The following CLU variants were observed in gnomAD, a reference collection of about 807,000 sequenced individuals.
The protein encoded by CLU is clusterin.
Under a neutral mutation model 46.4 loss-of-function variants are expected in CLU, and 25 were observed. The observed-to-expected ratio is 0.54, with a 90% CI of 0.39 to 0.75. The LOEUF is 0.75. Ranked by LOEUF, CLU falls within the 30% of genes least tolerant of loss-of-function variation. The probability of loss-of-function intolerance (pLI) is 0.00; values close to 1 mark genes in which losing one functional copy is unlikely to be tolerated. For missense variants in CLU, 504 were observed against 592.1 expected (o/e 0.85, Z 1.54); for synonymous variants, 235 against 235.1 (o/e 1.00, Z 0.00).
chr8:27,604,298 C>T lies in CLU; in HGVS notation c.927G>A (p.Leu309=), dbSNP rs778981507. ...KDQCDKCREI[L]SVDCSTNNPS... is the part of the protein sequence containing the mutation. ...GTCTGGACCCCGACTCACCCACAGA[C>T]AAGATCTCCCGGCACTTGTCACACT... Residue 309 remains leucine (L), a synonymous_variant, in exon 6 of 9, where the codon TTG becomes TTA. Transcript: ENST00000316403. The T allele has an allele frequency of 6.2e-7, 1 of 1,614,026 alleles. No homozygotes were observed. The highest frequency in any genetic ancestry group is 1.1e-5 in the South Asian group (1 of 91,074).
intron 3 of CLU, among the ~76,000 whole-genome samples, chr8:27,608,185 G>GAAAAAA (rs1340348618): frequency 1.2e-3 from 181 of 149,834 alleles, no homozygotes; most frequent in Non-Finnish European, 2.0e-3. Flanking sequence ...AAGCGGCCAG[G>GAAAAAA]AAAAAAAAAC....
intron 7 of CLU, 196 bp from the exon 8 acceptor site, chr8:27,598,831 C>A: frequency 1.6e-6 from 1 of 612,760 alleles, no homozygotes; most frequent in Non-Finnish European, 2.9e-6. Context: ...CACAGACACT[C>A]ATGTGTTGGG....
intron 3 of CLU, 159 bp downstream of exon 3, chr8:27,608,779 A>T (rs1374918143): frequency 1.1e-5 from 9 of 788,098 alleles, no homozygotes; most frequent in Admixed American, 1.9e-5. Context: ...GAAGCAAATG[A>T]ACCTTCCCTG....
rs9331887 is a variant in CLU at position 27,611,478 on chromosome 8, T to C, written c.-29-878A>G. The C allele has an allele frequency of 4.5e-3, 2,038 of 456,420 alleles. 42 individuals are homozygous for C. The highest frequency in any genetic ancestry group is 0.038 in the African/African-American group (1,885 of 50,152). The allele number at this position is 456,420 out of a possible 1,614,324, so 28.3% of individuals were successfully genotyped here. ...GCCCTGAGCCACGGGGCACAGGCCA[T>C]AGCCCCGGTCTTACACAATGGACCC... On this transcript the variant is annotated intron_variant, in intron 1 of 8. Coordinates refer to ENST00000316403, the MANE Select transcript of CLU (RefSeq NM_001831.4).
chr8:27,600,076 G>A, intron 6 of CLU, 67 bp from the exon 7 acceptor site: 2 of 1,230,712 alleles, frequency 1.6e-6, no homozygotes, highest in Non-Finnish European at 2.4e-6. Context: ...ATAGAACCAT[G>A]AATGAATGGA....
In CLU at chr8:27,605,090, G is replaced by C; in HGVS notation, c.663C>G (p.Pro221=). 2 of 1,614,136 alleles carry C rather than the reference G, an allele frequency of 1.2e-6. No homozygotes were observed. Among genetic ancestry groups the C allele is most frequent in the Non-Finnish European group, 1.7e-6 (2 of 1,180,044 alleles). Residue 221 remains proline (P), a synonymous_variant, in exon 5 of 9, where the codon CCC becomes CCG. Transcript: ENST00000316403. ...TCAAGCTGCGGACGATGCGGGACTTGGGAAAGAAGAAGTGAGGCCTCCGGT... is the reference window on the plus strand; with the variant it reads ...TCAAGCTGCGGACGATGCGGGACTTCGGAAAGAAGAAGTGAGGCCTCCGGT... ...LPHRRPHFFF[P]KSRIVRSLMP...
chr8:27,604,092 C>T, intron 6 of CLU, 199 bp downstream of exon 6: 4 of 608,704 alleles, frequency 6.6e-6, no homozygotes, highest in Non-Finnish European at 1.2e-5. Context: ...GACAGCCTCG[C>T]ATCATCATCT....
chr8:27,614,633 A>G (rs746934117), intron 1 of CLU, 22 bp downstream of exon 1: 2 of 524,028 alleles, frequency 3.8e-6, no homozygotes, highest in Non-Finnish European at 7.9e-6. Flanking sequence ...GCTCAAGGGT[A>G]GGGAAGACGG....
intron 6 of CLU, among the ~76,000 whole-genome samples, chr8:27,603,728 C>T (rs1238566944): frequency 3.3e-5 from 5 of 152,178 alleles, no homozygotes; most frequent in African/African-American, 1.2e-4. Flanking sequence ...GGAGAGAACA[C>T]AGCGCCCTAG....
rs751114860 is a variant in CLU at position 27,605,048 on chromosome 8, G to A, written c.705C>T (p.Tyr235=). Residue 235 remains tyrosine (Y), a synonymous_variant, in exon 5 of 9, where the codon TAC becomes TAT. Transcript: ENST00000316403. ...IVRSLMPFSP[Y]EPLNFHAMFQ... Reference sequence around the variant, plus strand: ...ACATGGCGTGGAAGTTCAGGGGCTCGTACGGAGAGAAGGGCATCAAGCTGC... The same window carrying A: ...ACATGGCGTGGAAGTTCAGGGGCTCATACGGAGAGAAGGGCATCAAGCTGC... 44 of 1,613,934 alleles carry A rather than the reference G, an allele frequency of 2.7e-5. No homozygotes were observed. In the Middle Eastern group the frequency reaches 6.6e-4, roughly 24 times the overall value.
At chr8:27,602,773 A>G (rs1350181964) in intron 6 of CLU, among the ~76,000 whole-genome samples, 1 of 152,058 alleles carries the variant, frequency 6.6e-6, no homozygotes, top group Non-Finnish European at 1.5e-5. Flanking sequence ...TTCTCTAAGA[A>G]TCTATCTCAG....
chr8:27,598,407 T>G (rs964318161), intron 8 of CLU, 53 bp downstream of exon 8: 1 of 1,609,826 alleles, frequency 6.2e-7, no homozygotes, highest in Admixed American at 1.7e-5. Context: ...TTTTTGTGGC[T>G]CCCAGAGACT....
intron 5 of CLU, 99 bp from the exon 6 acceptor site, chr8:27,604,494 A>T (rs1800780005): frequency 1.0e-6 from 1 of 976,452 alleles, no homozygotes; most frequent in African/African-American, 1.6e-5. Context: ...TAATTTACAG[A>T]CAGGGTCTCA....
intron 1 of CLU, chr8:27,611,279 C>T (rs563409080): frequency 1.3e-5 from 6 of 454,628 alleles, no homozygotes; most frequent in African/African-American, 1.0e-4. Context: ...CCAGGAAGGA[C>T]AATTCCCTTC....
intron 1 of CLU, chr8:27,610,986 C>A (rs867230): frequency 0.62 from 224,338 of 359,682 alleles, 70,504 homozygotes; most frequent in East Asian, 0.77. Context: ...TGAAAATACC[C>A]CCCTTAGGTC....
At position 27,604,347 on chromosome 8, in the gene CLU, G is replaced by A. The variant is rs563432916; in HGVS notation, c.878C>T (p.Thr293Met). The A allele has an allele frequency of 1.9e-5, 31 of 1,614,052 alleles. No homozygotes were observed. The highest frequency in any genetic ancestry group is 2.1e-5 in the Non-Finnish European group (25 of 1,180,032). The change falls in exon 6 of 9, where the codon ACG becomes ATG. Residue 293 changes from threonine (T) to methionine (M), a missense_variant. Transcript: ENST00000316403. Reference protein sequence around the residue: ...TVCREIRHNSTGCLRMKDQCD... With the variant: ...TVCREIRHNSMGCLRMKDQCD... ...CTGGTCCTTCATCCGCAGGCAGCCC[G>A]TGGAGTTGTGGCGGATCTCCCGGCA... is the stretch of plus-strand genomic sequence containing the variant.
rs937327908 is a variant in CLU at position 27,604,489 on chromosome 8, T to C, written c.830-94A>G. 8.4e-6 allele frequency: 9 copies of C among 1,065,446 alleles called. No homozygotes were observed. In the African/African-American group the frequency reaches 1.4e-4, roughly 17 times the overall value. The allele number at this position is 1,065,446 out of a possible 1,614,324, so 66.0% of individuals were successfully genotyped here. A position where few individuals can be genotyped will look rare whatever the true frequency, so the allele number is the denominator to read the frequency against. On this transcript the variant is annotated intron_variant, in intron 5 of 8. Coordinates refer to ENST00000316403, the MANE Select transcript of CLU (RefSeq NM_001831.4). ...TGTTATTTTTATTTATTTTTTAATTTACAGACAGGGTCTCACTCTGTTGCC... is the reference window on the plus strand; with the variant it reads ...TGTTATTTTTATTTATTTTTTAATTCACAGACAGGGTCTCACTCTGTTGCC...
At chr8:27,604,023 T>C (rs184219349) in intron 6 of CLU, among the ~76,000 whole-genome samples, 3 of 152,332 alleles carry the variant, frequency 2.0e-5, no homozygotes, top group Admixed American at 2.0e-4. Flanking sequence ...TTTTTCAACA[T>C]GGGGCCGACC....
chr8:27,599,978 C>T lies in CLU; in HGVS notation c.966G>A (p.Lys322=). The change falls in exon 7 of 9, where the codon AAG becomes AAA. Residue 322 remains lysine, a synonymous_variant. Transcript: ENST00000316403. The surrounding 1 kb of genome is among the most constrained non-coding windows in gnomAD (Gnocchi z 4.0). ...DCSTNNPSQA[K]LRRELDESLQ... is the part of the protein sequence containing the mutation. ...GGGATTCGTCGAGCTCCCGCCGCAG[C>T]TTAGCCTGGGAGGGGTTGTTGGTGG... 1 of 1,614,194 alleles carries T rather than the reference C, an allele frequency of 6.2e-7. No homozygotes were observed. Among genetic ancestry groups the T allele is most frequent in the Non-Finnish European group, 8.5e-7 (1 of 1,180,026 alleles).
Sources: allele counts gnomAD v4.1 joint callset (sites outside exome capture counted in the v4.1 genomes callset), GRCh38; gene constraint gnomAD v4.1.1; non-coding constraint Gnocchi (gnomAD v3.1); transcripts MANE v1.5; gene names NCBI Gene and HGNC (gene_info 2026-07-23, HGNC 2026-07-21).